Variants in FHIT observed in about 807,000 individuals in gnomAD.
FHIT encodes the protein fragile histidine triad diadenosine triphosphatase.
In FHIT, 19 loss-of-function variants were observed where a neutral mutation model predicts 17.9. That is an observed-to-expected ratio of 1.06 (90% CI 0.74 to 1.56). FHIT has a LOEUF of 1.56. Among genes scored for constraint, FHIT ranks in the 40% most tolerant of loss-of-function variants. The pLI is 0.00. For synonymous variants in FHIT, 81 were observed against 69.7 expected (o/e 1.16, Z -0.81); for missense variants, 248 against 189.2 (o/e 1.31, Z -1.82).
chr3:60,346,423 A>C (rs913885377), intron 5 of FHIT, among the ~76,000 whole-genome samples: 1 of 152,188 alleles, frequency 6.6e-6, no homozygotes, highest in African/African-American at 2.4e-5. Flanking sequence ...CCCAAAGCAG[A>C]CTGGAGCCAG....
chr3:60,691,102 G>C (rs1404545451), intron 4 of FHIT, among the ~76,000 whole-genome samples: 2 of 151,762 alleles, frequency 1.3e-5, no homozygotes, highest in Non-Finnish European at 2.9e-5. Flanking sequence ...AGTACGGAAA[G>C]TCCCTTCAAT....
At chr3:60,192,983 T>C (rs565602500) in intron 5 of FHIT, among the ~76,000 whole-genome samples, 4 of 152,356 alleles carry the variant, frequency 2.6e-5, no homozygotes, top group South Asian at 2.1e-4. Flanking sequence ...AAATCATTCA[T>C]TCTAAATGAC....
chr3:59,806,468 C>T (rs1295328594), intron 8 of FHIT, among the ~76,000 whole-genome samples: 2 of 152,196 alleles, frequency 1.3e-5, no homozygotes, highest in South Asian at 2.1e-4. Context: ...TTAGACTGGT[C>T]ATGGCTACCT....
At chr3:60,657,982 A>G (rs541304427) in intron 4 of FHIT, among the ~76,000 whole-genome samples, 26 of 152,292 alleles carry the variant, frequency 1.7e-4, no homozygotes, top group African/African-American at 4.8e-4. Context: ...TTTTAAGTGT[A>G]TATTTCAGTA....
intron 4 of FHIT, among the ~76,000 whole-genome samples, chr3:60,729,275 G>A (rs868951361): frequency 1.2e-4 from 19 of 152,180 alleles, no homozygotes; most frequent in Middle Eastern, 3.2e-3. Flanking sequence ...AAGTGGATGC[G>A]CCAGTGTGGA....
Position 61,158,899 on chromosome 3 carries a change from G to A in FHIT, c.-164+41718C>T, listed in dbSNP as rs949938709. Among the ~76,000 whole-genome samples, 12 of 152,196 alleles carry A rather than the reference G, an allele frequency of 7.9e-5. 1 individual carries two copies. The highest frequency in any genetic ancestry group is 6.5e-4 in the Admixed American group (10 of 15,280). The stretch of plus-strand genomic sequence containing the variant: ...CTCTAGCAGTCCATTAGAAGACCTA[G>A]TGACAAGCCCTTCTCCACTGCTGCA... On this transcript the variant is annotated intron_variant, in intron 2 of 9. Transcript: ENST00000492590.
At chr3:60,622,956 A>G (rs1576989172) in intron 4 of FHIT, among the ~76,000 whole-genome samples, 2 of 152,200 alleles carry the variant, frequency 1.3e-5, no homozygotes, top group Non-Finnish European at 2.9e-5. Flanking sequence ...CGGTACACAC[A>G]TTCATGACTT....
intron 5 of FHIT, among the ~76,000 whole-genome samples, chr3:60,368,611 C>T (rs1700203431): frequency 6.6e-6 from 1 of 152,040 alleles, no homozygotes; most frequent in Admixed American, 6.5e-5. Context: ...TTCCTCCAGT[C>T]TGTAGCTTGC....
chr3:60,708,203 C>A (rs2041422749), intron 4 of FHIT, among the ~76,000 whole-genome samples: 1 of 152,104 alleles, frequency 6.6e-6, no homozygotes, highest in East Asian at 1.9e-4. Context: ...TAGAATTCAC[C>A]ATCATTTACT....
chr3:60,104,292 T>C (rs1169741821), intron 5 of FHIT, among the ~76,000 whole-genome samples: 1 of 152,146 alleles, frequency 6.6e-6, no homozygotes, highest in Non-Finnish European at 1.5e-5. Flanking sequence ...AAATACCAAC[T>C]CTGTGCTAGA....
At chr3:60,042,672 G>C (rs1219385916) in intron 5 of FHIT, among the ~76,000 whole-genome samples, 3 of 152,046 alleles carry the variant, frequency 2.0e-5, no homozygotes, top group African/African-American at 7.2e-5. Flanking sequence ...CCTCTGTAAA[G>C]GCCGTCTCCA....
At chr3:59,858,374 C>T (rs1207767058) in intron 8 of FHIT, among the ~76,000 whole-genome samples, 4 of 151,426 alleles carry the variant, frequency 2.6e-5, no homozygotes, top group Non-Finnish European at 5.9e-5. Context: ...TTACAGGCGC[C>T]CGCCACTACG....
chr3:60,924,029 C>T (rs928849401), intron 3 of FHIT, among the ~76,000 whole-genome samples: 13 of 152,040 alleles, frequency 8.6e-5, no homozygotes, highest in African/African-American at 1.7e-4. Flanking sequence ...CTGCCATTGC[C>T]GAGGCTTGAG....
intron 4 of FHIT, among the ~76,000 whole-genome samples, chr3:60,785,234 G>T (rs989441397): frequency 1.3e-5 from 2 of 152,184 alleles, no homozygotes; most frequent in African/African-American, 2.4e-5. Flanking sequence ...TAGTCCAGAG[G>T]CCAAAAGGAT....
intron 1 of FHIT, among the ~76,000 whole-genome samples, chr3:61,209,281 G>C (rs535918920): frequency 1.3e-5 from 2 of 152,164 alleles, no homozygotes; most frequent in African/African-American, 2.4e-5. Flanking sequence ...TGGTGAATCT[G>C]ACAATGAAGT....
intron 7 of FHIT, among the ~76,000 whole-genome samples, chr3:59,938,300 G>C (rs1189418962): frequency 6.6e-6 from 1 of 152,104 alleles, no homozygotes; most frequent in Non-Finnish European, 1.5e-5. Context: ...ACCAGACACA[G>C]AAAGAAAAAT....
intron 8 of FHIT, among the ~76,000 whole-genome samples, chr3:59,920,578 T>C (rs1705353912): frequency 6.6e-6 from 1 of 152,122 alleles, no homozygotes; most frequent in Admixed American, 6.5e-5. Context: ...AGTTGGAACA[T>C]CGACAAGATT....
intron 7 of FHIT, among the ~76,000 whole-genome samples, chr3:59,960,548 T>A (rs930014698): frequency 2.0e-5 from 3 of 150,998 alleles, no homozygotes; most frequent in Non-Finnish European, 4.4e-5. Context: ...AGAAAAGAGG[T>A]CTGGGGTGGA....
chr3:59,761,609 T>TA lies in FHIT; in HGVS notation c.349-9289_349-9288insT, dbSNP rs201881591. ...TTGCAGAGGATCTTAGCAATTTATTTTATTTTTTTTTTTTCGAGATGGAGT... is the reference window on the plus strand; with the variant it reads ...TTGCAGAGGATCTTAGCAATTTATTTATATTTTTTTTTTTTCGAGATGGAGT... On this transcript the variant is annotated intron_variant, in intron 8 of 9. Transcript: ENST00000492590. Among the ~76,000 whole-genome samples, 52 of 151,786 alleles carry TA rather than the reference T, an allele frequency of 3.4e-4. 1 individual carries two copies. The East Asian group carries it at 7.5e-3, about 22-fold the overall frequency.
Sources: gnomAD v4.1 joint callset for allele counts (sites outside exome capture counted in the v4.1 genomes callset) on GRCh38, gnomAD v4.1.1 for gene constraint, MANE v1.5 for transcripts, NCBI Gene and HGNC (gene_info 2026-07-23, HGNC 2026-07-21) for gene names.